Variants in DBT observed in about 807,000 individuals in gnomAD.
DBT encodes the protein lipoamide acyltransferase component of branched-chain alpha-keto acid dehydrogenase complex, mitochondrial.
Under a neutral mutation model 51.3 loss-of-function variants are expected in DBT, and 40 were observed. That is an observed-to-expected ratio of 0.78 (90% CI 0.61 to 1.02). The LOEUF is 1.02. Among genes scored for constraint, DBT ranks in the 50% least tolerant of loss-of-function variants. DBT has a pLI of 0.00. For synonymous variants in DBT, 181 were observed against 190.4 expected, an observed-to-expected ratio of 0.95 and a Z score of 0.41; for missense variants, 510 against 580.2, an observed-to-expected ratio of 0.88 and a Z score of 1.24.
Position 100,188,073 on chromosome 1 carries a change from GAACC to G in DBT, c.*8178_*8181del, listed in dbSNP as rs1488220346. 6.6e-6 allele frequency: 1 copy of G among 152,168 alleles called. No homozygotes were observed. Among genetic ancestry groups the G allele is most frequent in the Non-Finnish European group, 1.5e-5 (1 of 68,034 alleles). The allele number at this position is 152,168 out of a possible 1,614,324, so 9.4% of individuals were successfully genotyped here. A position where few individuals can be genotyped will look rare whatever the true frequency, so the allele number is the denominator to read the frequency against. On this transcript the variant is annotated 3_prime_UTR_variant, in exon 11 of 11. Transcript: ENST00000370132. The stretch of plus-strand genomic sequence containing the variant: ...TCCTCCTCTGTCCAAAGCAACAATT[GAACC>G]AACAGGCCCTTCTAATCTTATGCCA...
intron 10 of DBT, among the ~76,000 whole-genome samples, chr1:100,204,604 T>G (rs1279539834): frequency 1.3e-5 from 2 of 152,082 alleles, no homozygotes; most frequent in African/African-American, 4.8e-5. Context: ...AAAAAACTAC[T>G]TTAAATTTTA....
chr1:100,196,126 G>A lies in DBT; in HGVS notation c.*129C>T. ...CTAATAGAACAGTGACAAATATTGT[G>A]CCTTAGATCCTTAATCATACGATAC... On this transcript the variant is annotated 3_prime_UTR_variant, in exon 11 of 11. Coordinates refer to ENST00000370132, the MANE Select transcript of DBT (RefSeq NM_001918.5). 1.2e-6 allele frequency: 1 copy of A among 834,126 alleles called. No individual in the cohort carries two copies. The highest frequency in any genetic ancestry group is 2.0e-6 in the Non-Finnish European group (1 of 500,082). 51.7% of individuals were successfully genotyped at this position (834,126 alleles called of 1,614,324 possible). A position where few individuals can be genotyped will look rare whatever the true frequency, so the allele number is the denominator to read the frequency against.
At chr1:100,217,568 C>T (rs1342554602) in intron 5 of DBT, among the ~76,000 whole-genome samples, 2 of 152,202 alleles carry the variant, frequency 1.3e-5, no homozygotes, top group East Asian at 3.8e-4. Context: ...AGAATATGAA[C>T]ATTTTAATGA....
At chr1:100,229,242 A>T (rs1663393203) in intron 4 of DBT, among the ~76,000 whole-genome samples, 1 of 151,922 alleles carries the variant, frequency 6.6e-6, no homozygotes, top group South Asian at 2.1e-4. Context: ...ATCTCGGCTC[A>T]CTGCAACCTC....
Position 100,218,708 on chromosome 1 carries a change from T to C in DBT, c.473A>G (p.His158Arg), listed in dbSNP as rs781055948. The C allele has an allele frequency of 3.7e-6, 6 of 1,613,620 alleles. No homozygotes were observed. The highest frequency in any genetic ancestry group is 8.5e-7 in the Non-Finnish European group (1 of 1,179,708). The change falls in exon 5 of 11, where the codon CAT becomes CGT. Residue 158 changes from histidine to arginine, a missense_variant. Physicochemically the swap from His to Arg is conservative, Grantham distance 29. Coordinates refer to ENST00000370132, the MANE Select transcript of DBT (RefSeq NM_001918.5). ...TATCTCTTGGTGTGTATGTTCATCATGAGACACTGCAGGAGTTTCAACAAC... is the reference window on the plus strand; with the variant it reads ...TATCTCTTGGTGTGTATGTTCATCACGAGACACTGCAGGAGTTTCAACAAC... ...EDVVETPAVSHDEHTHQEIKG... is the reference protein window; with the variant it reads ...EDVVETPAVSRDEHTHQEIKG...
At chr1:100,247,309 A>G (rs1457941225) in intron 1 of DBT, among the ~76,000 whole-genome samples, 1 of 152,266 alleles carries the variant, frequency 6.6e-6, no homozygotes, top group African/African-American at 2.4e-5. Flanking sequence ...CACTGGAGGC[A>G]TATAATCCAG....
intron 4 of DBT, among the ~76,000 whole-genome samples, chr1:100,227,266 T>A (rs1417428897): frequency 6.6e-6 from 1 of 152,224 alleles, no homozygotes; most frequent in Non-Finnish European, 1.5e-5. Context: ...CACTCACACA[T>A]ACACTGAGAA....
chr1:100,243,023 T>C (rs1311383480), intron 1 of DBT, among the ~76,000 whole-genome samples: 1 of 151,986 alleles, frequency 6.6e-6, no homozygotes, highest in Non-Finnish European at 1.5e-5. Context: ...CCCATCACTT[T>C]GGGAGGCTGA....
Position 100,191,843 on chromosome 1 carries a change from G to A in DBT, c.*4412C>T, listed in dbSNP as rs1660827468. The A allele has an allele frequency of 6.6e-6, 1 of 151,950 alleles. No homozygotes were observed. Among genetic ancestry groups the A allele is most frequent in the Admixed American group, 6.6e-5 (1 of 15,236 alleles). 9.4% of individuals were successfully genotyped at this position (151,950 alleles called of 1,614,324 possible). A position where few individuals can be genotyped will look rare whatever the true frequency, so the allele number is the denominator to read the frequency against. ...TCTGTCGCCCAGGCTGGAGCGCAAT[G>A]GCACAATCTCAGCTCACGGCAGCCT... On this transcript the variant is annotated 3_prime_UTR_variant, in exon 11 of 11. Coordinates refer to ENST00000370132, the MANE Select transcript of DBT (RefSeq NM_001918.5).
chr1:100,227,522 A>G (rs1216242555), intron 4 of DBT, among the ~76,000 whole-genome samples: 1 of 152,248 alleles, frequency 6.6e-6, no homozygotes, highest in Admixed American at 6.5e-5. Context: ...ATCATTCCAC[A>G]ACCACTAAAG....
At chr1:100,235,943 C>T (rs969953135) in intron 2 of DBT, among the ~76,000 whole-genome samples, 5 of 152,196 alleles carry the variant, frequency 3.3e-5, no homozygotes, top group Admixed American at 3.3e-4. Context: ...TATTCTTTCT[C>T]ATTCTTAATG....
chr1:100,202,521 G>A (rs770238603), intron 10 of DBT, among the ~76,000 whole-genome samples: 1 of 152,056 alleles, frequency 6.6e-6, no homozygotes, highest in Non-Finnish European at 1.5e-5. Flanking sequence ...ACAGAACAAT[G>A]AGACAGAAGA....
At chr1:100,230,629 GAAA>G in intron 4 of DBT, 101 bp downstream of exon 4, 1 of 534,318 alleles carries the variant, frequency 1.9e-6, no homozygotes, top group South Asian at 2.9e-5. Context: ...AATAGGAATA[GAAA>G]AAAAAAAAAC....
In DBT at chr1:100,187,562, C is replaced by G. The variant is rs774406254; in HGVS notation, c.*8693G>C. The G allele has an allele frequency of 5.9e-5, 9 of 152,238 alleles. No individual in the cohort carries two copies. Among genetic ancestry groups the G allele is most frequent in the African/African-American group, 2.2e-4 (9 of 41,470 alleles). 9.4% of individuals were successfully genotyped at this position (152,238 alleles called of 1,614,324 possible). A position where few individuals can be genotyped will look rare whatever the true frequency, so the allele number is the denominator to read the frequency against. ...TGTTTATTTGAGACAAAGTCTCACTCTGTCACCCAGGCTGGAGTGCAGTGG... is the reference window on the plus strand; with the variant it reads ...TGTTTATTTGAGACAAAGTCTCACTGTGTCACCCAGGCTGGAGTGCAGTGG... On this transcript the variant is annotated 3_prime_UTR_variant, in exon 11 of 11. Transcript: ENST00000370132.
chr1:100,211,187 G>A (rs1047187640), intron 7 of DBT: 50 of 763,552 alleles, frequency 6.5e-5, no homozygotes, highest in South Asian at 5.3e-4. Flanking sequence ...AACACGTAAC[G>A]AGGATTTCAA....
chr1:100,213,437 A>T, intron 7 of DBT: 1 of 1,571,854 alleles, frequency 6.4e-7, no homozygotes, highest in South Asian at 1.1e-5. Context: ...CGTCACACGG[A>T]CACCCACCCA....
At chr1:100,214,561 C>T (rs1006664420) in intron 7 of DBT, among the ~76,000 whole-genome samples, 1 of 152,132 alleles carries the variant, frequency 6.6e-6, no homozygotes, top group South Asian at 2.1e-4. Context: ...TCAAGACCAG[C>T]CTGACCAACA....
chr1:100,191,746 G>T lies in DBT; in HGVS notation c.*4509C>A, dbSNP rs905872386. On this transcript the variant is annotated 3_prime_UTR_variant, in exon 11 of 11. Coordinates refer to ENST00000370132, the MANE Select transcript of DBT (RefSeq NM_001918.5). Reference sequence around the variant, plus strand: ...GGTGTGTGTATATATATGTGTGTGTGTATACACACACACACACACACACAC... The same window carrying T: ...GGTGTGTGTATATATATGTGTGTGTTTATACACACACACACACACACACAC... 1 of 44,030 alleles carries T rather than the reference G, an allele frequency of 2.3e-5. No homozygotes were observed. Among genetic ancestry groups the T allele is most frequent in the Non-Finnish European group, 5.9e-5 (1 of 16,954 alleles). 2.7% of individuals were successfully genotyped at this position (44,030 alleles called of 1,614,324 possible).
chr1:100,225,042 A>AAAAAAAT (rs59482100), intron 4 of DBT, among the ~76,000 whole-genome samples: 1 of 45,630 alleles, frequency 2.2e-5, no homozygotes, highest in African/African-American at 6.7e-5. Context: ...AAAAAAAAAA[A>AAAAAAAT]ATATATATAT....
Sources: gnomAD v4.1 joint callset for allele counts (sites outside exome capture counted in the v4.1 genomes callset) on GRCh38, gnomAD v4.1.1 for gene constraint, MANE v1.5 for transcripts, NCBI Gene and HGNC (gene_info 2026-07-23, HGNC 2026-07-21) for gene names.